Variants in IGDCC3 observed in about 807,000 individuals in gnomAD.
IGDCC3 encodes putative neuronal cell adhesion molecule.
IGDCC3 carries 47 observed loss-of-function variants against 72.0 expected under a neutral mutation model. The observed-to-expected ratio is 0.65, with a 90% CI of 0.52 to 0.83. The LOEUF is 0.83. IGDCC3 is among the 40% of genes least tolerant of loss of function. The pLI, the probability that IGDCC3 is intolerant of heterozygous loss-of-function variation, is 0.00. For missense variants in IGDCC3, 1,038 were observed against 1,091.3 expected (o/e 0.95, Z 0.69); for synonymous variants, 477 against 472.8 (o/e 1.01, Z -0.11).
chr15:65,335,839 C>CT lies in IGDCC3; in HGVS notation c.526dup (p.Arg176LysfsTer5), dbSNP rs1300392465. On this transcript the variant is annotated frameshift_variant, in exon 3 of 14. Coordinates refer to ENST00000327987, the MANE Select transcript of IGDCC3 (RefSeq NM_004884.4). LOFTEE classifies it high-confidence loss of function. ...CTCATTGTCCGTGTCAATTGGGACT[C>CT]TGTTCTTCTCCCAAGTGATCAGGGG... is the stretch of plus-strand genomic sequence containing the variant. 1.9e-6 allele frequency: 3 copies of CT among 1,614,096 alleles called. No homozygotes were observed. Among genetic ancestry groups the CT allele is most frequent in the Admixed American group, 3.3e-5 (2 of 60,010 alleles).
chr15:65,331,789 G>T, intron 7 of IGDCC3, 130 bp from the exon 8 acceptor site: 3 of 1,386,320 alleles, frequency 2.2e-6, no homozygotes, highest in Non-Finnish European at 2.9e-6. Flanking sequence ...CAGCAAGTTG[G>T]TGGTGGAACT....
intron 2 of IGDCC3, among the ~76,000 whole-genome samples, chr15:65,360,989 C>G (rs566939280): frequency 6.6e-6 from 1 of 152,238 alleles, no homozygotes; most frequent in East Asian, 1.9e-4. Context: ...GTTGGCCAGG[C>G]TGGTCTTGAA....
At chr15:65,371,179 T>C (rs1003254357) in intron 2 of IGDCC3, among the ~76,000 whole-genome samples, 8 of 152,246 alleles carry the variant, frequency 5.3e-5, no homozygotes, top group African/African-American at 1.9e-4. Flanking sequence ...TGGGCAATAC[T>C]GAGCACCAAC....
At chr15:65,369,085 G>A (rs1332927399) in intron 2 of IGDCC3, among the ~76,000 whole-genome samples, 1 of 152,196 alleles carries the variant, frequency 6.6e-6, no homozygotes, top group African/African-American at 2.4e-5. Context: ...CACCAAGAGG[G>A]TTTAGCGTGA....
intron 2 of IGDCC3, among the ~76,000 whole-genome samples, chr15:65,354,857 C>A (rs2091202951): frequency 6.6e-6 from 1 of 152,202 alleles, no homozygotes; most frequent in African/African-American, 2.4e-5. Flanking sequence ...CCCTGGCTCT[C>A]AAACTCGGCT....
intron 2 of IGDCC3, among the ~76,000 whole-genome samples, chr15:65,369,084 G>A (rs965614439): frequency 1.3e-5 from 2 of 152,160 alleles, no homozygotes; most frequent in African/African-American, 4.8e-5. Flanking sequence ...TCACCAAGAG[G>A]GTTTAGCGTG....
At chr15:65,370,294 A>G (rs888276491) in intron 2 of IGDCC3, among the ~76,000 whole-genome samples, 9 of 151,566 alleles carry the variant, frequency 5.9e-5, no homozygotes, top group African/African-American at 2.2e-4. Flanking sequence ...TGTGTGGATC[A>G]CTTGAGGTCA....
In IGDCC3 at chr15:65,339,127, G is replaced by C. The variant is rs1377249354; in HGVS notation, c.410-3171C>G. 6.6e-6 allele frequency among the ~76,000 whole-genome samples: 1 copy of C among 151,964 alleles called. No homozygotes were observed. Among genetic ancestry groups the C allele is most frequent in the African/African-American group, 2.4e-5 (1 of 41,360 alleles). ...GACGGAATCTTGCTCTGTCACCCAG[G>C]CTGGAGTGCAATGGCATGATCTCAG... On this transcript the variant is annotated intron_variant, in intron 2 of 13. Coordinates refer to ENST00000327987, the MANE Select transcript of IGDCC3 (RefSeq NM_004884.4). The surrounding 1 kb of genome is among the most constrained non-coding windows in gnomAD (Gnocchi z 4.1).
chr15:65,370,295 C>T (rs1412700742), intron 2 of IGDCC3, among the ~76,000 whole-genome samples: 2 of 151,764 alleles, frequency 1.3e-5, no homozygotes, highest in Admixed American at 6.6e-5. Context: ...GTGTGGATCA[C>T]TTGAGGTCAG....
rs1441547318 is a variant in IGDCC3 at position 65,328,787 on chromosome 15, T to G, written c.*122A>C. The G allele has an allele frequency of 2.1e-5, 27 of 1,261,750 alleles. No homozygotes were observed. The highest frequency in any genetic ancestry group is 2.8e-5 in the Non-Finnish European group (27 of 953,286). 78.2% of individuals were successfully genotyped at this position (1,261,750 alleles called of 1,614,324 possible). A position where few individuals can be genotyped will look rare whatever the true frequency, so the allele number is the denominator to read the frequency against. On this transcript the variant is annotated 3_prime_UTR_variant, in exon 14 of 14. Coordinates refer to ENST00000327987, the MANE Select transcript of IGDCC3 (RefSeq NM_004884.4). The stretch of plus-strand genomic sequence containing the variant: ...TGGGTTTTGACAACCCAAGAGGCAG[T>G]CAGGATAGAAATGCTGGGGAGCCCC...
intron 5 of IGDCC3, among the ~76,000 whole-genome samples, chr15:65,334,048 C>G (rs1176565765): frequency 6.6e-6 from 1 of 150,658 alleles, no homozygotes; most frequent in Non-Finnish European, 1.5e-5. Flanking sequence ...GCTCCCCATT[C>G]AGGCCCTGAA....
In IGDCC3 at chr15:65,339,394, T is replaced by C. The variant is rs1051560899; in HGVS notation, c.410-3438A>G. On this transcript the variant is annotated intron_variant, in intron 2 of 13. Coordinates refer to ENST00000327987, the MANE Select transcript of IGDCC3 (RefSeq NM_004884.4). The surrounding 1 kb of genome is among the most constrained non-coding windows in gnomAD (Gnocchi z 4.1). Reference sequence around the variant, plus strand: ...TGTGCCTGGCCAATTTTTGTATTTCTTATAGAGACAGGGTCTCCCTACGTT... The same window carrying C: ...TGTGCCTGGCCAATTTTTGTATTTCCTATAGAGACAGGGTCTCCCTACGTT... Among the ~76,000 whole-genome samples the C allele has an allele frequency of 6.6e-6, 1 of 151,574 alleles. No homozygotes were observed. The highest frequency in any genetic ancestry group is 2.4e-5 in the African/African-American group (1 of 40,878).
intron 4 of IGDCC3, 130 bp downstream of exon 4, chr15:65,335,161 C>T: frequency 9.6e-7 from 1 of 1,044,864 alleles, no homozygotes; most frequent in Non-Finnish European, 1.4e-6. Flanking sequence ...CCAGGCAGCA[C>T]AGAGCCCGGC....
At chr15:65,332,679 G>A (rs940013988) in intron 6 of IGDCC3, among the ~76,000 whole-genome samples, 3 of 152,316 alleles carry the variant, frequency 2.0e-5, no homozygotes, top group South Asian at 2.1e-4. Context: ...CCCGGTCTCC[G>A]GTAGGGAACA....
rs972347933 is a variant in IGDCC3 at position 65,339,193 on chromosome 15, T to C, written c.410-3237A>G. ...GCCTCCCAGGCTTAAGCAACTCTCC[T>C]GCCTCAGCCTCCCGAGTAGCTGGTA... is the stretch of plus-strand genomic sequence containing the variant. On this transcript the variant is annotated intron_variant, in intron 2 of 13. Coordinates refer to ENST00000327987, the MANE Select transcript of IGDCC3 (RefSeq NM_004884.4). This position sits in a 1 kb window ranked among gnomAD's most constrained non-coding sequence, Gnocchi z 4.1. Among the ~76,000 whole-genome samples, 16 of 152,226 alleles carry C rather than the reference T, an allele frequency of 1.1e-4. No individual in the cohort carries two copies. The highest frequency in any genetic ancestry group is 3.9e-4 in the African/African-American group (16 of 41,458).
At chr15:65,372,830 G>A (rs1052181274) in intron 2 of IGDCC3, among the ~76,000 whole-genome samples, 3 of 152,356 alleles carry the variant, frequency 2.0e-5, no homozygotes, top group African/African-American at 7.2e-5. Context: ...CAGCTTTGGA[G>A]GTTTCTAGGG....
At chr15:65,374,968 C>A in intron 2 of IGDCC3, 129 bp downstream of exon 2, 2 of 752,638 alleles carry the variant, frequency 2.7e-6, no homozygotes, top group Admixed American at 5.4e-5. Flanking sequence ...TCAAAACCGA[C>A]CCATGCTGAG....
At chr15:65,343,670 C>G (rs1297264576) in intron 2 of IGDCC3, among the ~76,000 whole-genome samples, 1 of 152,204 alleles carries the variant, frequency 6.6e-6, no homozygotes, top group Admixed American at 6.5e-5. Flanking sequence ...CGCCCGATGG[C>G]TACTCTGGCC....
Position 65,375,165 on chromosome 15 carries a change from T to C in IGDCC3, c.341A>G (p.Asp114Gly). ...EPGGSPSDEG[D>G]YECVAQNRFG... ...GCGGTTCTGGGCCACACACTCATAG[T>C]CACCTTCATCCGAAGGGCTGCCTCC... Residue 114 changes from aspartate (D) to glycine (G), a missense_variant, in exon 2 of 14, where the codon GAC becomes GGC. Physicochemically the swap from Asp to Gly is moderately conservative, Grantham distance 94. Coordinates refer to ENST00000327987, the MANE Select transcript of IGDCC3 (RefSeq NM_004884.4). 1 of 1,614,194 alleles carries C rather than the reference T, an allele frequency of 6.2e-7. No homozygotes were observed. Among genetic ancestry groups the C allele is most frequent in the Non-Finnish European group, 8.5e-7 (1 of 1,180,038 alleles).
Sources: gnomAD v4.1 joint callset for allele counts (sites outside exome capture counted in the v4.1 genomes callset) on GRCh38, gnomAD v4.1.1 for gene constraint, Gnocchi (gnomAD v3.1) non-coding constraint, MANE v1.5 for transcripts, NCBI Gene and HGNC (gene_info 2026-07-23, HGNC 2026-07-21) for gene names.